The following SLC12A3 variants were observed in gnomAD, a reference collection of about 807,000 sequenced individuals.
SLC12A3 encodes solute carrier family 12 member 3, also known as Na-Cl cotransporter.
SLC12A3 carries 104 observed loss-of-function variants against 121.0 expected under a neutral mutation model. That is an observed-to-expected ratio of 0.86 (90% confidence interval 0.73 to 1.01). The LOEUF is 1.01. Ranked by LOEUF, SLC12A3 falls within the 50% of genes least tolerant of loss-of-function variation. The probability of loss-of-function intolerance (pLI) is 0.00; values close to 1 mark genes in which losing one functional copy is unlikely to be tolerated. For synonymous variants in SLC12A3, 536 were observed against 533.4 expected, an observed-to-expected ratio of 1.00 and a Z score of -0.07; for missense variants, 1,328 against 1,356.3, an observed-to-expected ratio of 0.98 and a Z score of 0.33.
At chr16:56,878,049 T>TCCCCCCCCCCCCCCCCCCCC in intron 8 of SLC12A3, 28 bp from the exon 9 acceptor site, 2 of 288,262 alleles carry the variant, frequency 6.9e-6, no homozygotes, top group Non-Finnish European at 6.7e-6. Context: ...CCTCCCTCCC[T>TCCCCCCCCCCCCCCCCCCCC]CCCTCCCTCT....
At chr16:56,907,835 C>T (rs1056465332) in intron 25 of SLC12A3, among the ~76,000 whole-genome samples, 3 of 152,200 alleles carry the variant, frequency 2.0e-5, no homozygotes, top group South Asian at 4.1e-4. Flanking sequence ...TGGATTTCAA[C>T]GTGTGAATTT....
intron 13 of SLC12A3, among the ~76,000 whole-genome samples, chr16:56,883,279 CTTTT>C (rs71152216): frequency 2.5e-5 from 3 of 119,546 alleles, no homozygotes; most frequent in Admixed American, 9.5e-5. Flanking sequence ...CTTTTTCTTT[CTTTT>C]TTTTTTTTTT....
chr16:56,892,205 G>A, intron 20 of SLC12A3, 72 bp downstream of exon 20: 1 of 1,426,666 alleles, frequency 7.0e-7, no homozygotes, highest in Non-Finnish European at 9.9e-7. Flanking sequence ...GCCCTGTGGG[G>A]TGGCTAGGGG....
At chr16:56,885,730 A>G (rs1481649241) in intron 15 of SLC12A3, among the ~76,000 whole-genome samples, 1 of 152,118 alleles carries the variant, frequency 6.6e-6, no homozygotes, top group African/African-American at 2.4e-5. Flanking sequence ...AGGTTTATGC[A>G]CCTGCCATCC....
intron 20 of SLC12A3, 71 bp downstream of exon 20, chr16:56,892,204 G>A: frequency 7.0e-7 from 1 of 1,421,138 alleles, no homozygotes; most frequent in Non-Finnish European, 9.9e-7. Context: ...AGCCCTGTGG[G>A]GTGGCTAGGG....
At chr16:56,868,168 G>T in intron 2 of SLC12A3, 129 bp from the exon 3 acceptor site, 1 of 815,024 alleles carries the variant, frequency 1.2e-6, no homozygotes, top group South Asian at 1.4e-5. Context: ...CTACTGAAGT[G>T]GGTGAAGAAG....
chr16:56,865,986 CTTTTCTTTTTTTTTTT>C (rs1964344964), intron 1 of SLC12A3, among the ~76,000 whole-genome samples: 1 of 94,970 alleles, frequency 1.1e-5, no homozygotes, highest in African/African-American at 4.7e-5. Flanking sequence ...CTTTTCTTTT[CTTTTCTTTTTTTTTTT>C]TGAGACGGAG....
chr16:56,878,988 C>T lies in SLC12A3; in HGVS notation c.1181-85C>T, dbSNP rs113003032. ...GGACAGCTGCCCATCATCTGCAGCACCTCGCCCTCTGCAGAGGTGGGGCTG... is the reference window on the plus strand; with the variant it reads ...GGACAGCTGCCCATCATCTGCAGCATCTCGCCCTCTGCAGAGGTGGGGCTG... On this transcript the variant is annotated intron_variant, in intron 9 of 25. Transcript: ENST00000563236. The T allele has an allele frequency of 2.1e-4, 310 of 1,502,262 alleles. 1 individual carries two copies. In the African/African-American group the frequency reaches 3.5e-3, roughly 17 times the overall value. 93.1% of individuals were successfully genotyped at this position (1,502,262 alleles called of 1,614,324 possible). A position where few individuals can be genotyped will look rare whatever the true frequency, so the allele number is the denominator to read the frequency against.
At chr16:56,906,227 T>G (rs1242069205) in intron 25 of SLC12A3, among the ~76,000 whole-genome samples, 10 of 152,250 alleles carry the variant, frequency 6.6e-5, no homozygotes, top group African/African-American at 2.4e-4. Flanking sequence ...GTACGTTGCA[T>G]GCATCCCTTA....
intron 25 of SLC12A3, chr16:56,906,820 T>C: frequency 1.4e-6 from 1 of 692,492 alleles, no homozygotes; most frequent in East Asian, 2.9e-5. Context: ...AGACATGGCC[T>C]GTATGAGAAG....
chr16:56,904,280 A>G (rs1251362781), intron 24 of SLC12A3, 115 bp from the exon 25 acceptor site: 2 of 974,154 alleles, frequency 2.1e-6, no homozygotes, highest in Non-Finnish European at 3.3e-6. Flanking sequence ...GAGGCAGCAG[A>G]GTCTACAAGT....
intron 24 of SLC12A3, among the ~76,000 whole-genome samples, chr16:56,903,866 C>T (rs984601276): frequency 6.6e-6 from 1 of 152,150 alleles, no homozygotes; most frequent in Non-Finnish European, 1.5e-5. Flanking sequence ...ACATTGTGTC[C>T]GAAGAAGACC....
At position 56,914,219 on chromosome 16, in the gene SLC12A3, T is replaced by C. The variant is rs1476123927; in HGVS notation, c.*814T>C. 1 of 152,210 alleles carries C rather than the reference T, an allele frequency of 6.6e-6. No individual in the cohort carries two copies. The highest frequency in any genetic ancestry group is 1.5e-5 in the Non-Finnish European group (1 of 68,054). The allele number at this position is 152,210 out of a possible 1,614,324, so 9.4% of individuals were successfully genotyped here. A position where few individuals can be genotyped will look rare whatever the true frequency, so the allele number is the denominator to read the frequency against. ...CCACTGCGCCCGGCCCAGGCAAATT[T>C]CTTGAACCACTTCTCACTCCCGTCA... is the stretch of plus-strand genomic sequence containing the variant. On this transcript the variant is annotated 3_prime_UTR_variant, in exon 26 of 26. Transcript: ENST00000563236.
chr16:56,904,410 A>C lies in SLC12A3; in HGVS notation c.2872A>C (p.Arg958=). The change falls in exon 25 of 26, where the codon AGG becomes CGG. Residue 958 remains arginine (R), a synonymous_variant. Transcript: ENST00000563236. ...TCCCGCCCAGTCCCTTCGGCAGGTG[A>C]GGCTGAATGAGATTGTGCTGGATTA... ...KNRVKSLRQV[R]LNEIVLDYSR... is the part of the protein sequence containing the mutation. 1 of 1,613,958 alleles carries C rather than the reference A, an allele frequency of 6.2e-7. No homozygotes were observed.
chr16:56,873,506 C>G (rs1185655823), intron 8 of SLC12A3, among the ~76,000 whole-genome samples: 1 of 147,942 alleles, frequency 6.8e-6, no homozygotes, highest in Middle Eastern at 3.3e-3. Flanking sequence ...CCTGCCTCAG[C>G]CTCCTGAGTA....
intron 25 of SLC12A3, 51 bp downstream of exon 25, chr16:56,904,513 C>A: frequency 1.3e-6 from 2 of 1,576,168 alleles, no homozygotes; most frequent in South Asian, 2.2e-5. Flanking sequence ...AGTCAGGTGT[C>A]TCAGCTCTGG....
At position 56,886,484 on chromosome 16, in the gene SLC12A3, C is replaced by A; in HGVS notation, c.2037+9C>A. 2 of 1,608,560 alleles carry A rather than the reference C, an allele frequency of 1.2e-6. No homozygotes were observed. The highest frequency in any genetic ancestry group is 1.7e-6 in the Non-Finnish European group (2 of 1,175,242). On this transcript the variant is annotated intron_variant, in intron 16 of 25. Transcript: ENST00000563236. ...GTGGCCACGTGCTCATCGTGAGTGG[C>A]CCCTGGAGGGGCACAGGGGACCAGG...
chr16:56,886,188 G>T (rs1178635208), intron 15 of SLC12A3, among the ~76,000 whole-genome samples, 176 bp from the exon 16 acceptor site: 1 of 152,212 alleles, frequency 6.6e-6, no homozygotes, highest in East Asian at 1.9e-4. Flanking sequence ...CACCAAAAGA[G>T]CAGGAAGAGC....
At chr16:56,906,767 C>A in intron 25 of SLC12A3, 1 of 759,036 alleles carries the variant, frequency 1.3e-6, no homozygotes, top group Non-Finnish European at 2.1e-6. Context: ...TTTATGATTC[C>A]TTGGATTATG....
Sources: gnomAD v4.1 joint callset for allele counts (sites outside exome capture counted in the v4.1 genomes callset) on GRCh38, gnomAD v4.1.1 for gene constraint, MANE v1.5 for transcripts, NCBI Gene and HGNC (gene_info 2026-07-23, HGNC 2026-07-21) for gene names.